Variants in BCL11B observed in about 807,000 individuals in gnomAD.
BCL11B encodes B-cell lymphoma/leukemia 11B.
Under a neutral mutation model 49.9 loss-of-function variants are expected in BCL11B, and 8 were observed. The observed-to-expected ratio is 0.16, with a 90% CI of 0.09 to 0.29. The LOEUF is 0.29. Among genes scored for constraint, BCL11B ranks in the 10% least tolerant of loss-of-function variants. The pLI is 1.00. For missense variants in BCL11B, 1,006 were observed against 1,351.0 expected (o/e 0.74, Z 4.00); for synonymous variants, 739 against 637.4 (o/e 1.16, Z -2.40).
At position 99,217,468 on chromosome 14, in the gene BCL11B, TG is replaced by T. The variant is rs562177890; in HGVS notation, c.640+13876del. 2.8e-3 allele frequency among the ~76,000 whole-genome samples: 422 copies of T among 151,410 alleles called. 1 individual carries two copies. Among genetic ancestry groups the T allele is most frequent in the South Asian group, 5.2e-3 (25 of 4,810 alleles). Reference sequence around the variant, plus strand: ...GGCCCAAGGACCCTGGCAGAGGCAATGGGAAAAACCAGGGAGAAAATTACAT... The same window carrying T: ...GGCCCAAGGACCCTGGCAGAGGCAATGGAAAAACCAGGGAGAAAATTACAT... On this transcript the variant is annotated intron_variant, in intron 3 of 3. Coordinates refer to ENST00000357195, the MANE Select transcript of BCL11B (RefSeq NM_138576.4).
intron 3 of BCL11B, among the ~76,000 whole-genome samples, chr14:99,229,050 G>GCAT: frequency 2.4e-5 from 3 of 125,750 alleles, no homozygotes; most frequent in South Asian, 5.2e-4. Context: ...ATGCATGGAT[G>GCAT]GATGGATGGA....
At chr14:99,181,217 C>T (rs1323025156) in intron 3 of BCL11B, among the ~76,000 whole-genome samples, 4 of 152,308 alleles carry the variant, frequency 2.6e-5, no homozygotes, top group African/African-American at 7.2e-5. Context: ...AAGCAGGGCC[C>T]GGGGTGATAT....
intron 3 of BCL11B, among the ~76,000 whole-genome samples, chr14:99,185,370 G>A (rs1392300224): frequency 2.0e-5 from 3 of 152,054 alleles, no homozygotes; most frequent in South Asian, 2.1e-4. Flanking sequence ...CCAGGAGGCG[G>A]AGGTTGCGGT....
In BCL11B at chr14:99,175,316, C is replaced by G. The variant is rs768661104; in HGVS notation, c.1520G>C (p.Gly507Ala). The part of the protein sequence containing the change: ...SPEPGTSELA[G>A]EGLKAADGDF... Reference sequence around the variant, plus strand: ...ACCGTCGGCCGCCTTGAGGCCCTCGCCCGCCAGCTCGCTGGTGCCGGGCTC... The same window carrying G: ...ACCGTCGGCCGCCTTGAGGCCCTCGGCCGCCAGCTCGCTGGTGCCGGGCTC... The change falls in exon 4 of 4, where the codon GGC becomes GCC. Residue 507 changes from glycine (G) to alanine (A), a missense_variant. Transcript: ENST00000357195. The G allele has an allele frequency of 2.6e-6, 4 of 1,543,420 alleles. No homozygotes were observed. The highest frequency in any genetic ancestry group is 3.5e-6 in the Non-Finnish European group (4 of 1,149,850).
At chr14:99,237,873 C>T (rs1888550344) in intron 2 of BCL11B, among the ~76,000 whole-genome samples, 1 of 152,130 alleles carries the variant, frequency 6.6e-6, no homozygotes, top group Admixed American at 6.5e-5. Context: ...GTCCAGCATC[C>T]TTCATCAACC....
At position 99,173,530 on chromosome 14, in the gene BCL11B, A is replaced by AC. The variant is rs1439254190; in HGVS notation, c.*620dup. ...AGATTGTTATCCGCTGTACATCCAC[A>AC]CCCCCCACCCCAAAAACAAAAACCA... On this transcript the variant is annotated 3_prime_UTR_variant, in exon 4 of 4. Transcript: ENST00000357195. 1.1e-5 allele frequency: 2 copies of AC among 186,906 alleles called. No individual in the cohort carries two copies. Among genetic ancestry groups the AC allele is most frequent in the Non-Finnish European group, 2.2e-5 (2 of 91,220 alleles). 11.6% of individuals were successfully genotyped at this position (186,906 alleles called of 1,614,324 possible). A position where few individuals can be genotyped will look rare whatever the true frequency, so the allele number is the denominator to read the frequency against.
At chr14:99,221,059 G>A (rs1204369567) in intron 3 of BCL11B, among the ~76,000 whole-genome samples, 1 of 152,006 alleles carries the variant, frequency 6.6e-6, no homozygotes, top group African/African-American at 2.4e-5. Flanking sequence ...TCAACATGTT[G>A]GCCAGGATGG....
At chr14:99,266,761 C>T (rs1336367251) in intron 1 of BCL11B, among the ~76,000 whole-genome samples, 5 of 152,206 alleles carry the variant, frequency 3.3e-5, no homozygotes, top group African/African-American at 1.2e-4. Flanking sequence ...GCGCTAGGCG[C>T]GGCTCGGCGT....
At chr14:99,177,994 G>A (rs1297445017) in intron 3 of BCL11B, among the ~76,000 whole-genome samples, 1 of 152,144 alleles carries the variant, frequency 6.6e-6, no homozygotes, top group Non-Finnish European at 1.5e-5. Flanking sequence ...CTGTGCCTCT[G>A]CCTGAAACTG....
chr14:99,206,365 G>C (rs1887533564), intron 3 of BCL11B, among the ~76,000 whole-genome samples: 1 of 152,156 alleles, frequency 6.6e-6, no homozygotes, highest in Non-Finnish European at 1.5e-5. Context: ...TTCACTTTCT[G>C]GGGTTTCAGC....
intron 3 of BCL11B, among the ~76,000 whole-genome samples, chr14:99,215,176 G>A (rs997689809): frequency 6.8e-6 from 1 of 147,728 alleles, no homozygotes; most frequent in African/African-American, 2.5e-5. Context: ...CTCCGGCCAA[G>A]GGAGATGCAC....
chr14:99,176,152 C>T lies in BCL11B; in HGVS notation c.684G>A (p.Gln228=), dbSNP rs1886521960. 1 of 1,612,380 alleles carries T rather than the reference C, an allele frequency of 6.2e-7. No homozygotes were observed. Among genetic ancestry groups the T allele is most frequent in the Non-Finnish European group, 8.5e-7 (1 of 1,179,080 alleles). ...PSSYICTTCK[Q]PFNSAWFLLQ... ...GCAGGAACCACGCGCTGTTGAAGGGCTGCTTGCATGTTGTGCAAATGTAGC... is the reference window on the plus strand; with the variant it reads ...GCAGGAACCACGCGCTGTTGAAGGGTTGCTTGCATGTTGTGCAAATGTAGC... The change falls in exon 4 of 4, where the codon CAG becomes CAA. Residue 228 remains glutamine (Q), a synonymous_variant. Transcript: ENST00000357195.
chr14:99,238,113 G>A lies in BCL11B; in HGVS notation c.428-6556C>T, dbSNP rs536542746. ...GCACCCACCGTGAGAAGGCTTGGCC[G>A]TGAGGGAGACTAGAAGCACACCTCA... On this transcript the variant is annotated intron_variant, in intron 2 of 3. Coordinates refer to ENST00000357195, the MANE Select transcript of BCL11B (RefSeq NM_138576.4). Among the ~76,000 whole-genome samples the A allele has an allele frequency of 1.4e-4, 21 of 152,108 alleles. No individual in the cohort carries two copies. The East Asian group carries it at 1.9e-3, about 14-fold the overall frequency.
At chr14:99,225,427 CT>C (rs1192569584) in intron 3 of BCL11B, among the ~76,000 whole-genome samples, 2 of 152,222 alleles carry the variant, frequency 1.3e-5, no homozygotes, top group Non-Finnish European at 2.9e-5. Context: ...TCCTCTGCCA[CT>C]TTCCGAGTCC....
chr14:99,186,346 C>A (rs1167871766), intron 3 of BCL11B, among the ~76,000 whole-genome samples: 1 of 152,228 alleles, frequency 6.6e-6, no homozygotes, highest in African/African-American at 2.4e-5. Context: ...CATGGTGAAA[C>A]CTCGTCTCTA....
chr14:99,203,913 A>ACC (rs148280853), intron 3 of BCL11B, among the ~76,000 whole-genome samples: 3 of 151,618 alleles, frequency 2.0e-5, no homozygotes, highest in African/African-American at 7.3e-5. Context: ...GCGCCCCTGA[A>ACC]CCCCCCGCTC....
intron 2 of BCL11B, among the ~76,000 whole-genome samples, chr14:99,237,866 C>T (rs1312411020): frequency 6.6e-6 from 1 of 152,134 alleles, no homozygotes; most frequent in East Asian, 1.9e-4. Flanking sequence ...AGAGCCTGTC[C>T]AGCATCCTTC....
At chr14:99,250,936 T>C (rs955375305) in intron 2 of BCL11B, among the ~76,000 whole-genome samples, 1 of 152,016 alleles carries the variant, frequency 6.6e-6, no homozygotes. Flanking sequence ...AACTTTCAAC[T>C]ACAATCGGTG....
At chr14:99,197,626 T>C (rs1479906995) in intron 3 of BCL11B, among the ~76,000 whole-genome samples, 2 of 152,118 alleles carry the variant, frequency 1.3e-5, no homozygotes, top group Non-Finnish European at 1.5e-5. Context: ...ATAAGGTTCT[T>C]CTGACAACGC....
Sources: gnomAD v4.1 joint callset for allele counts (sites outside exome capture counted in the v4.1 genomes callset) on GRCh38, gnomAD v4.1.1 for gene constraint, MANE v1.5 for transcripts, NCBI Gene and HGNC (gene_info 2026-07-23, HGNC 2026-07-21) for gene names.